The following FER1L6 variants were observed in gnomAD, a reference collection of about 807,000 sequenced individuals.
FER1L6 encodes fer-1 like family member 6.
In FER1L6, 177 loss-of-function variants were observed where a neutral mutation model predicts 219.2. The ratio of observed to expected loss-of-function variants is 0.81; its 90% CI spans 0.71 to 0.91. FER1L6 has a LOEUF of 0.91. FER1L6 is among the 40% of genes least tolerant of loss of function. FER1L6 has a pLI of 0.00. For synonymous variants in FER1L6, 768 were observed against 824.3 expected (o/e 0.93, Z 1.17); for missense variants, 2,153 against 2,259.9 (o/e 0.95, Z 0.96).
At chr8:124,009,391 G>C (rs1277748823) in intron 13 of FER1L6, among the ~76,000 whole-genome samples, 6 of 152,178 alleles carry the variant, frequency 3.9e-5, no homozygotes, top group Non-Finnish European at 8.8e-5. Flanking sequence ...GGCCTGGGGA[G>C]GAGCTGGTGT....
intron 34 of FER1L6, 99 bp from the exon 35 acceptor site, chr8:124,094,797 T>C: frequency 2.2e-6 from 3 of 1,372,862 alleles, no homozygotes; most frequent in Non-Finnish European, 3.1e-6. Flanking sequence ...CCTTGGTACA[T>C]TTAAATAAGC....
At chr8:123,926,396 A>T (rs1330205625) in intron 1 of FER1L6, among the ~76,000 whole-genome samples, 1 of 152,218 alleles carries the variant, frequency 6.6e-6, no homozygotes, top group Non-Finnish European at 1.5e-5. Context: ...TCCCCAGGCC[A>T]GATTGTCTGG....
chr8:124,108,561 C>G (rs2131012994), intron 39 of FER1L6, among the ~76,000 whole-genome samples: 1 of 152,258 alleles, frequency 6.6e-6, no homozygotes, highest in South Asian at 2.1e-4. Flanking sequence ...AACATCTAAT[C>G]CTTAGGGGTT....
chr8:124,061,749 G>C, intron 24 of FER1L6, 103 bp from the exon 25 acceptor site: 1 of 1,160,214 alleles, frequency 8.6e-7, no homozygotes, highest in Non-Finnish European at 1.3e-6. Context: ...AGGAGGGACA[G>C]AATGGCAAGG....
chr8:124,049,157 C>T (rs1250081187), intron 21 of FER1L6, among the ~76,000 whole-genome samples: 1 of 152,012 alleles, frequency 6.6e-6, no homozygotes, highest in Non-Finnish European at 1.5e-5. Context: ...AAGTGATTCT[C>T]CTGCCTCAGC....
chr8:123,867,662 TCAGAA>T (rs1816858562), intron 1 of FER1L6, among the ~76,000 whole-genome samples: 1 of 152,228 alleles, frequency 6.6e-6, no homozygotes, highest in African/African-American at 2.4e-5. Context: ...TGCAAAATGC[TCAGAA>T]TAGTAGCTGG....
chr8:123,892,627 T>C (rs1239452535), intron 1 of FER1L6, among the ~76,000 whole-genome samples: 1 of 152,192 alleles, frequency 6.6e-6, no homozygotes, highest in Non-Finnish European at 1.5e-5. Context: ...GCTATCTCTA[T>C]TCATTGTTTG....
chr8:124,033,402 G>C (rs1447468551), intron 18 of FER1L6, among the ~76,000 whole-genome samples: 3 of 152,126 alleles, frequency 2.0e-5, no homozygotes, highest in Non-Finnish European at 4.4e-5. Context: ...TATTATTAGA[G>C]AAGTGATAAG....
At chr8:124,101,378 G>C in intron 38 of FER1L6, 40 bp downstream of exon 38, 3 of 1,582,968 alleles carry the variant, frequency 1.9e-6, no homozygotes, top group Non-Finnish European at 2.6e-6. Context: ...TAATGTTAAG[G>C]GTTTTGTCTC....
chr8:124,082,227 G>C (rs1013978267), intron 32 of FER1L6, 61 bp from the exon 33 acceptor site: 372 of 1,399,062 alleles, frequency 2.7e-4, no homozygotes, highest in Non-Finnish European at 1.1e-4. Context: ...AGTGAAGCTG[G>C]GAATGGTTCC....
chr8:124,082,246 C>G, intron 32 of FER1L6, 42 bp from the exon 33 acceptor site: 2 of 1,565,470 alleles, frequency 1.3e-6, no homozygotes, highest in Non-Finnish European at 1.7e-6. Context: ...CCCTGTGTCA[C>G]CAAATGTTAA....
chr8:124,021,419 A>T, intron 16 of FER1L6, 131 bp from the exon 17 acceptor site: 3 of 1,197,064 alleles, frequency 2.5e-6, no homozygotes, highest in Non-Finnish European at 3.5e-6. Context: ...GCACGGTGGC[A>T]GACCCTGGAA....
rs1033639651 is a variant in FER1L6 at position 123,963,107 on chromosome 8, A to G, written c.77-171A>G. ...TACATAAGTTTTAGAAAAATGAAGG[A>G]TGTATCTGGCATTTCTGCCAATAAG... On this transcript the variant is annotated intron_variant, in intron 2 of 40. Transcript: ENST00000522917. 3.9e-5 allele frequency among the ~76,000 whole-genome samples: 6 copies of G among 152,358 alleles called. No homozygotes were observed. In the East Asian group the frequency reaches 1.2e-3, roughly 29 times the overall value.
At chr8:123,883,398 C>T (rs561315702) in intron 1 of FER1L6, among the ~76,000 whole-genome samples, 1 of 152,264 alleles carries the variant, frequency 6.6e-6, no homozygotes, top group East Asian at 1.9e-4. Flanking sequence ...TAGTTAGTGG[C>T]CAGGGAATCG....
rs1254988948 is a variant in FER1L6 at position 124,071,600 on chromosome 8, T to A, written c.4061T>A (p.Val1354Asp). Residue 1354 changes from valine to aspartate, a missense_variant, in exon 31 of 41, where the codon GTC (valine) becomes GAC (aspartate). By Grantham distance (152) the Val-to-Asp change is radical. Transcript: ENST00000522917. ...IQQGIPPNHP[V>D]TVLIRVYIVA... Reference sequence around the variant, plus strand: ...CAAGGGATTCCGCCCAATCACCCTGTCACAGTGCTGATCAGAGTATACATT... The same window carrying A: ...CAAGGGATTCCGCCCAATCACCCTGACACAGTGCTGATCAGAGTATACATT... The A allele has an allele frequency of 6.2e-7, 1 of 1,614,116 alleles. No individual in the cohort carries two copies.
At chr8:124,082,754 CTGG>C in intron 33 of FER1L6, among the ~76,000 whole-genome samples, 1 of 152,128 alleles carries the variant, frequency 6.6e-6, no homozygotes, top group Non-Finnish European at 1.5e-5. Flanking sequence ...TAGAGTTTCC[CTGG>C]TGAAGAATAA....
At chr8:123,990,376 C>T (rs943927399) in intron 12 of FER1L6, among the ~76,000 whole-genome samples, 7 of 152,212 alleles carry the variant, frequency 4.6e-5, no homozygotes, top group African/African-American at 1.2e-4. Context: ...ACCACATTCA[C>T]GCCAACATCT....
chr8:124,118,763 C>CTTGGTA (rs1823353604), intron 39 of FER1L6, 81 bp from the exon 40 acceptor site: 2 of 1,144,142 alleles, frequency 1.7e-6, no homozygotes, highest in Non-Finnish European at 2.5e-6. Flanking sequence ...AATTCTCCAA[C>CTTGGTA]TTGGTAACAC....
intron 7 of FER1L6, among the ~76,000 whole-genome samples, chr8:123,974,848 A>G (rs1041561036): frequency 6.6e-6 from 1 of 151,910 alleles, no homozygotes; most frequent in Admixed American, 6.6e-5. Context: ...TGACTTCTAC[A>G]CTTCATTAAT....
Sources: gnomAD v4.1 joint callset for allele counts (sites outside exome capture counted in the v4.1 genomes callset) on GRCh38, gnomAD v4.1.1 for gene constraint, MANE v1.5 for transcripts, NCBI Gene and HGNC (gene_info 2026-07-23, HGNC 2026-07-21) for gene names.